The following ZNF257 variants were observed in gnomAD, a reference collection of about 807,000 sequenced individuals.
ZNF257 encodes zinc finger protein 257.
In ZNF257, 12 loss-of-function variants were observed where a neutral mutation model predicts 11.9. That is an observed-to-expected ratio of 1.01 (90% CI 0.65 to 1.63). The LOEUF (loss-of-function observed/expected upper bound fraction) is 1.63. Ranked by LOEUF, ZNF257 falls within the 40% of genes most tolerant of loss-of-function variation. The pLI, the probability that ZNF257 is intolerant of heterozygous loss-of-function variation, is 0.00. For synonymous variants in ZNF257, 183 were observed against 222.7 expected, an observed-to-expected ratio of 0.82 and a Z score of 1.59; for missense variants, 580 against 665.5, an observed-to-expected ratio of 0.87 and a Z score of 1.41.
chr19:22,076,807 G>A (rs961341097), intron 3 of ZNF257, among the ~76,000 whole-genome samples: 1 of 152,056 alleles, frequency 6.6e-6, no homozygotes, highest in African/African-American at 2.4e-5. Context: ...TCCTGCCTCA[G>A]CCTCCCGAGT....
chr19:22,078,074 C>T (rs750294293), intron 3 of ZNF257, among the ~76,000 whole-genome samples: 1 of 144,340 alleles, frequency 6.9e-6, no homozygotes, highest in African/African-American at 2.5e-5. Flanking sequence ...CCCGTCTCTA[C>T]TAAAAAAAAA....
At chr19:22,065,021 T>C (rs1311161644) in intron 1 of ZNF257, among the ~76,000 whole-genome samples, 2 of 147,184 alleles carry the variant, frequency 1.4e-5, no homozygotes, top group Non-Finnish European at 3.0e-5. Context: ...GCCATTGCAC[T>C]CCAGCCTGGG....
In ZNF257 at chr19:22,085,038, GTTT is replaced by G. The variant is rs567400028; in HGVS notation, c.227-2930_227-2928del. Among the ~76,000 whole-genome samples the G allele has an allele frequency of 1.6e-3, 240 of 147,886 alleles. 3 individuals carry two copies. Among genetic ancestry groups the G allele is most frequent in the African/African-American group, 5.7e-3 (231 of 40,668 alleles). On this transcript the variant is annotated intron_variant, in intron 3 of 3. Transcript: ENST00000594947. ...GTCACCGTGCCTGGCCAAAGTTTTA[GTTT>G]TTTTTTTTGTTGTTGTTGTTTGTTT...
At chr19:22,073,059 T>A in intron 2 of ZNF257, 124 bp downstream of exon 2, 1 of 1,162,516 alleles carries the variant, frequency 8.6e-7, no homozygotes, top group Non-Finnish European at 1.2e-6. Context: ...TTTGCATAAA[T>A]GAGTTTCATA....
intron 1 of ZNF257, among the ~76,000 whole-genome samples, chr19:22,067,621 G>T (rs1358290069): frequency 6.6e-6 from 1 of 151,988 alleles, no homozygotes; most frequent in Non-Finnish European, 1.5e-5. Flanking sequence ...TGGATCACGA[G>T]GTCAGGAGTT....
chr19:22,089,604 C>A lies in ZNF257; in HGVS notation c.*162C>A. 6.9e-7 allele frequency: 1 copy of A among 1,440,956 alleles called. No individual in the cohort carries two copies. 89.3% of individuals were successfully genotyped at this position (1,440,956 alleles called of 1,614,324 possible). On this transcript the variant is annotated 3_prime_UTR_variant, in exon 4 of 4. Transcript: ENST00000594947. Reference sequence around the variant, plus strand: ...AACATTTACTAAGCATAAAATAATTCATGCTGGAGAGAAACTCTTGAAATG... The same window carrying A: ...AACATTTACTAAGCATAAAATAATTAATGCTGGAGAGAAACTCTTGAAATG...
chr19:22,074,859 A>G (rs1161821376), intron 3 of ZNF257, among the ~76,000 whole-genome samples: 1 of 151,892 alleles, frequency 6.6e-6, no homozygotes, highest in Non-Finnish European at 1.5e-5. Context: ...ATTTTTACTT[A>G]TTTGTCTTCA....
At chr19:22,062,505 A>G (rs2021831168) in intron 1 of ZNF257, among the ~76,000 whole-genome samples, 1 of 146,074 alleles carries the variant, frequency 6.8e-6, no homozygotes, top group South Asian at 2.1e-4. Flanking sequence ...TTTTTGAGAC[A>G]GAGTTTCCTC....
At chr19:22,068,112 T>C (rs1479404676) in intron 1 of ZNF257, among the ~76,000 whole-genome samples, 2 of 151,892 alleles carry the variant, frequency 1.3e-5, no homozygotes, top group Non-Finnish European at 2.9e-5. Context: ...CCAAAATCGT[T>C]TGTTACTAAC....
At chr19:22,078,922 A>G (rs1363891528) in intron 3 of ZNF257, among the ~76,000 whole-genome samples, 1 of 151,062 alleles carries the variant, frequency 6.6e-6, no homozygotes, top group African/African-American at 2.4e-5. Flanking sequence ...CCTCTCTAGT[A>G]GCTGGGATTA....
At chr19:22,068,383 C>T (rs954787106) in intron 1 of ZNF257, among the ~76,000 whole-genome samples, 9 of 152,050 alleles carry the variant, frequency 5.9e-5, no homozygotes, top group Non-Finnish European at 8.8e-5. Flanking sequence ...TTTGATTGTA[C>T]TCCACTTGCT....
At chr19:22,079,248 A>G (rs1463531792) in intron 3 of ZNF257, among the ~76,000 whole-genome samples, 1 of 152,154 alleles carries the variant, frequency 6.6e-6, no homozygotes, top group Non-Finnish European at 1.5e-5. Flanking sequence ...TCTTTGTTTC[A>G]GTACCACATC....
intron 1 of ZNF257, among the ~76,000 whole-genome samples, chr19:22,063,342 A>T (rs763818725): frequency 6.6e-6 from 1 of 152,082 alleles, no homozygotes; most frequent in Non-Finnish European, 1.5e-5. Flanking sequence ...ATAGTTTTAC[A>T]TGTCTAAGTC....
At chr19:22,056,562 G>A (rs2021646006) in intron 1 of ZNF257, among the ~76,000 whole-genome samples, 1 of 145,788 alleles carries the variant, frequency 6.9e-6, no homozygotes, top group Non-Finnish European at 1.5e-5. Flanking sequence ...TGCAAGCTCC[G>A]CCTCCCAGGT....
intron 1 of ZNF257, among the ~76,000 whole-genome samples, chr19:22,069,285 G>A (rs1256933517): frequency 6.6e-6 from 1 of 152,068 alleles, no homozygotes; most frequent in Non-Finnish European, 1.5e-5. Flanking sequence ...AAGAAACTTG[G>A]GGTTTATTTG....
chr19:22,053,354 G>A (rs1971746591), intron 1 of ZNF257, among the ~76,000 whole-genome samples: 5 of 108,102 alleles, frequency 4.6e-5, no homozygotes, highest in African/African-American at 1.8e-4. Flanking sequence ...AAGACAGAGC[G>A]AGACTCCGTC....
At chr19:22,072,764 A>T in intron 1 of ZNF257, 45 bp from the exon 2 acceptor site, 1 of 1,589,890 alleles carries the variant, frequency 6.3e-7, no homozygotes. Flanking sequence ...TCTGTCCCTG[A>T]CCACTTGGTA....
chr19:22,085,059 GT>G (rs2022446566), intron 3 of ZNF257, among the ~76,000 whole-genome samples: 3 of 149,994 alleles, frequency 2.0e-5, no homozygotes, highest in South Asian at 2.1e-4. Flanking sequence ...TGTTGTTGTT[GT>G]TTGTTTGTTT....
At chr19:22,083,321 A>C (rs903994658) in intron 3 of ZNF257, among the ~76,000 whole-genome samples, 1 of 151,930 alleles carries the variant, frequency 6.6e-6, no homozygotes, top group African/African-American at 2.4e-5. Context: ...AATACAAAAA[A>C]ATTAGCCAGG....
Sources: allele counts gnomAD v4.1 joint callset (sites outside exome capture counted in the v4.1 genomes callset), GRCh38; gene constraint gnomAD v4.1.1; transcripts MANE v1.5; gene names NCBI Gene and HGNC (gene_info 2026-07-23, HGNC 2026-07-21).